GMDS: variants seen among roughly 807,000 people sequenced by gnomAD.
GMDS encodes GDP-mannose 4,6 dehydratase.
Under a neutral mutation model 49.9 loss-of-function variants are expected in GMDS, and 20 were observed. The ratio of observed to expected loss-of-function variants is 0.40; its 90% CI spans 0.28 to 0.58. The LOEUF is 0.58. Ranked by LOEUF, GMDS falls within the 20% of genes least tolerant of loss-of-function variation. The pLI, the probability that GMDS is intolerant of heterozygous loss-of-function variation, is 0.42. For missense variants in GMDS, 362 were observed against 481.4 expected (o/e 0.75, Z 2.32); for synonymous variants, 177 against 178.6 (o/e 0.99, Z 0.07).
intron 1 of GMDS, chr6:2,175,912 A>G: frequency 8.3e-7 from 1 of 1,201,370 alleles, no homozygotes; most frequent in Non-Finnish European, 1.2e-6. Flanking sequence ...CCATTTTATA[A>G]GGTAATACTA....
intron 9 of GMDS, among the ~76,000 whole-genome samples, chr6:1,703,867 G>C (rs1171882198): frequency 6.6e-6 from 1 of 152,248 alleles, no homozygotes; most frequent in Non-Finnish European, 1.5e-5. Flanking sequence ...TCAGATCTAT[G>C]TTTAAGACTT....
At chr6:2,111,647 C>A (rs1774549677) in intron 4 of GMDS, among the ~76,000 whole-genome samples, 1 of 152,050 alleles carries the variant, frequency 6.6e-6, no homozygotes, top group Non-Finnish European at 1.5e-5. Context: ...CAAACAACAC[C>A]CAGTCTAGAA....
At chr6:1,784,521 G>A (rs1769245925) in intron 7 of GMDS, among the ~76,000 whole-genome samples, 1 of 152,096 alleles carries the variant, frequency 6.6e-6, no homozygotes, top group African/African-American at 2.4e-5. Context: ...AGAGCCAGAG[G>A]GGAGAGAGGA....
chr6:2,000,317 G>T (rs1407689860), intron 4 of GMDS, among the ~76,000 whole-genome samples: 4 of 151,228 alleles, frequency 2.6e-5, no homozygotes, highest in African/African-American at 9.7e-5. Flanking sequence ...TTACAGGCGT[G>T]AGCCACCACT....
intron 9 of GMDS, among the ~76,000 whole-genome samples, chr6:1,667,965 C>T (rs1215831531): frequency 1.3e-5 from 2 of 152,310 alleles, no homozygotes; most frequent in Non-Finnish European, 1.5e-5. Flanking sequence ...GTTATCTCCA[C>T]ATCACATGCG....
chr6:1,801,226 C>T (rs936161343), intron 7 of GMDS, among the ~76,000 whole-genome samples: 4 of 152,162 alleles, frequency 2.6e-5, no homozygotes, highest in African/African-American at 9.7e-5. Context: ...AAGGTGGCCT[C>T]TTGAGGAAGG....
chr6:1,894,737 A>T (rs766308275), intron 7 of GMDS, among the ~76,000 whole-genome samples: 35 of 152,206 alleles, frequency 2.3e-4, no homozygotes, highest in African/African-American at 3.6e-4. Flanking sequence ...TCATTTTTTT[A>T]AAAAATTCTG....
At chr6:2,200,471 G>T (rs1398064946) in intron 1 of GMDS, among the ~76,000 whole-genome samples, 2 of 150,534 alleles carry the variant, frequency 1.3e-5, no homozygotes, top group Admixed American at 6.6e-5. Context: ...GAGAGGTGAA[G>T]GATGAAGAGA....
chr6:2,204,422 T>C (rs902510260), intron 1 of GMDS, among the ~76,000 whole-genome samples: 2 of 152,206 alleles, frequency 1.3e-5, no homozygotes, highest in Non-Finnish European at 2.9e-5. Context: ...CAACTAATAT[T>C]TACCAAATAT....
intron 7 of GMDS, among the ~76,000 whole-genome samples, chr6:1,919,899 A>G (rs1434630492): frequency 1.3e-5 from 2 of 152,212 alleles, no homozygotes; most frequent in African/African-American, 4.8e-5. Flanking sequence ...GGATCAAATC[A>G]GCACTACAAA....
At chr6:2,021,545 A>G (rs1768277343) in intron 4 of GMDS, among the ~76,000 whole-genome samples, 1 of 152,228 alleles carries the variant, frequency 6.6e-6, no homozygotes, top group African/African-American at 2.4e-5. Flanking sequence ...ATAAGTAAAG[A>G]TACAAGGTGG....
intron 7 of GMDS, among the ~76,000 whole-genome samples, chr6:1,894,947 A>G (rs542570603): frequency 9.8e-5 from 15 of 152,364 alleles, no homozygotes; most frequent in African/African-American, 2.9e-4. Context: ...AGTAAATTCC[A>G]GACAAAAGAT....
In GMDS at chr6:1,676,763, T is replaced by C. The variant is rs531160403; in HGVS notation, c.987+49653A>G. ...GCTGAAACTGGATCCCTTCCTTACA[T>C]CTTATAGAAAAATTAATTCAAGATG... On this transcript the variant is annotated intron_variant, in intron 9 of 10. Coordinates refer to ENST00000380815, the MANE Select transcript of GMDS (RefSeq NM_001500.4). 1.2e-4 allele frequency among the ~76,000 whole-genome samples: 18 copies of C among 152,208 alleles called. 1 individual carries two copies. In the East Asian group the frequency reaches 2.7e-3, roughly 23 times the overall value.
At chr6:2,109,175 C>T (rs1774407564) in intron 4 of GMDS, among the ~76,000 whole-genome samples, 1 of 152,128 alleles carries the variant, frequency 6.6e-6, no homozygotes, top group African/African-American at 2.4e-5. Context: ...TGTGAGCAGG[C>T]AGCACACTGG....
At chr6:2,059,565 G>A (rs972331324) in intron 4 of GMDS, among the ~76,000 whole-genome samples, 24 of 147,444 alleles carry the variant, frequency 1.6e-4, no homozygotes, top group African/African-American at 4.3e-4. Context: ...AAAATTAGCC[G>A]GGCGTGGTAG....
At chr6:2,025,666 A>C (rs1768552641) in intron 4 of GMDS, among the ~76,000 whole-genome samples, 3 of 152,178 alleles carry the variant, frequency 2.0e-5, no homozygotes. Context: ...CTTGTACCTT[A>C]ACCTTTGGGT....
chr6:1,905,863 G>A lies in GMDS; in HGVS notation c.771+24240C>T, dbSNP rs9378315. Among the ~76,000 whole-genome samples, 89 of 75,658 alleles carry A rather than the reference G, an allele frequency of 1.2e-3. 3 individuals are homozygous for A. The highest frequency in any genetic ancestry group is 1.7e-3 in the South Asian group (4 of 2,376). The allele number at this position is 75,658 out of a possible 152,430, so 49.6% of individuals were successfully genotyped here. A position where few individuals can be genotyped will look rare whatever the true frequency, so the allele number is the denominator to read the frequency against. Reference sequence around the variant, plus strand: ...CTGCATGTGGGGCCAGCACATAGCTGTGGGTGCTGGCATGTGACAATAACC... The same window carrying A: ...CTGCATGTGGGGCCAGCACATAGCTATGGGTGCTGGCATGTGACAATAACC... On this transcript the variant is annotated intron_variant, in intron 7 of 10. Transcript: ENST00000380815.
rs576165968 is a variant in GMDS, at chr6:2,030,797, T to C, written c.346-69831A>G. Among the ~76,000 whole-genome samples, 3 of 152,322 alleles carry C rather than the reference T, an allele frequency of 2.0e-5. No homozygotes were observed. The East Asian group carries it at 5.8e-4, about 29-fold the overall frequency. On this transcript the variant is annotated intron_variant, in intron 4 of 10. Coordinates refer to ENST00000380815, the MANE Select transcript of GMDS (RefSeq NM_001500.4). ...AAAGTGGTTCGCTAAATTGTAGCTA[T>C]ACTGTAGCTCAAAATGTATTGCTTG...
intron 8 of GMDS, among the ~76,000 whole-genome samples, chr6:1,740,029 C>T (rs955502016): frequency 4.6e-5 from 7 of 152,130 alleles, no homozygotes; most frequent in Admixed American, 1.3e-4. Context: ...CAGGACACTC[C>T]TAATAATAAA....
Sources: gnomAD v4.1 joint callset for allele counts (sites outside exome capture counted in the v4.1 genomes callset) on GRCh38, gnomAD v4.1.1 for gene constraint, MANE v1.5 for transcripts, NCBI Gene and HGNC (gene_info 2026-07-23, HGNC 2026-07-21) for gene names.